The following SPRR3 variants were observed in gnomAD, a reference collection of about 807,000 sequenced individuals.
The protein encoded by SPRR3 is small proline rich protein 3, also known as small proline-rich protein 3.
For synonymous variants in SPRR3, 58 were observed against 72.3 expected (o/e 0.80, Z 1.01); for missense variants, 183 against 200.3 (o/e 0.91, Z 0.52).
Position 153,003,622 on chromosome 1 carries a change from T to C in SPRR3, c.*92T>C. 1 of 1,501,422 alleles carries C rather than the reference T, an allele frequency of 6.7e-7. No homozygotes were observed. Among genetic ancestry groups the C allele is most frequent in the Non-Finnish European group, 9.0e-7 (1 of 1,112,410 alleles). 93.0% of individuals were successfully genotyped at this position (1,501,422 alleles called of 1,614,324 possible). A position where few individuals can be genotyped will look rare whatever the true frequency, so the allele number is the denominator to read the frequency against. ...TCTGTGTCTTAATTGTCTGTAGACC[T>C]TGTAATCAGCACATTGTCACCCCAA... On this transcript the variant is annotated 3_prime_UTR_variant, in exon 2 of 2. Coordinates refer to ENST00000295367, the MANE Select transcript of SPRR3 (RefSeq NM_001097589.2).
rs200495953 is a variant in SPRR3 at position 153,003,345 on chromosome 1, G to T, written c.325G>T (p.Val109Phe). Residue 109 changes from valine (V) to phenylalanine (F), a missense_variant, in exon 2 of 2, where the codon GTC becomes TTC. Val to Phe is a conservative substitution (Grantham distance 50). Coordinates refer to ENST00000295367, the MANE Select transcript of SPRR3 (RefSeq NM_001097589.2). Reference sequence around the variant, plus strand: ...GGTCCCTGAGCCAGGCTACACCAAGGTCCCTGAACCAGGCAGCATCAAGGT... The same window carrying T: ...GGTCCCTGAGCCAGGCTACACCAAGTTCCCTGAACCAGGCAGCATCAAGGT... ...TKVPEPGYTK[V>F]PEPGSIKVPD... is the part of the protein sequence containing the mutation. 1.4e-5 allele frequency: 23 copies of T among 1,609,636 alleles called. No homozygotes were observed. The highest frequency in any genetic ancestry group is 6.8e-5 in the East Asian group (3 of 44,430).
Position 153,002,978 on chromosome 1 carries a change from C to T in SPRR3, c.-19-24C>T, listed in dbSNP as rs1352062739. On this transcript the variant is annotated intron_variant, in intron 1 of 1. Coordinates refer to ENST00000295367, the MANE Select transcript of SPRR3 (RefSeq NM_001097589.2). ...GCTTCATTCCTACTTAATCAAAGCA[C>T]TGAATTAGCTGTTTTGTCTCTAGGT... 4 of 1,573,868 alleles carry T rather than the reference C, an allele frequency of 2.5e-6. No homozygotes were observed. In the East Asian group the frequency reaches 9.0e-5, roughly 35 times the overall value.
Position 153,003,529 on chromosome 1 carries a change from A to C in SPRR3, c.509A>C (p.Ter170SerextTer8). ...GPAQQKTKQK[*>S] is the part of the protein sequence containing the mutation. ...GCTCAGCAGAAGACCAAGCAGAAGT[A>C]ATTTGGTGCACAGACAAGCCCTTGA... Residue 170 changes from the stop codon to serine, a stop_lost, in exon 2 of 2, where the codon TAA (stop) becomes TCA (serine). Transcript: ENST00000295367. 2 of 1,613,202 alleles carry C rather than the reference A, an allele frequency of 1.2e-6. No homozygotes were observed. The highest frequency in any genetic ancestry group is 8.5e-7 in the Non-Finnish European group (1 of 1,179,332).
In SPRR3 at chr1:153,003,066, C is replaced by T. The variant is rs1359633770; in HGVS notation, c.46C>T (p.Leu16Phe). 1.9e-6 allele frequency: 3 copies of T among 1,614,012 alleles called. No individual in the cohort carries two copies. Among genetic ancestry groups the T allele is most frequent in the African/African-American group, 1.3e-5 (1 of 74,906 alleles). Residue 16 changes from leucine to phenylalanine, a missense_variant, in exon 2 of 2, where the codon CTT becomes TTT. By Grantham distance (22) the Leu-to-Phe change is conservative. Transcript: ENST00000295367. ...GCAGACCTTTACCCCACCACCTCAG[C>T]TTCAACAGCAGCAGGTGAAACAACC... ...QKQTFTPPPQLQQQQVKQPSQ... is the reference protein window; with the variant it reads ...QKQTFTPPPQFQQQQVKQPSQ...
chr1:153,002,572 A>G (rs759528661), intron 1 of SPRR3: 38 of 173,566 alleles, frequency 2.2e-4, no homozygotes, highest in Non-Finnish European at 4.5e-4. Context: ...AAGAGCAAGA[A>G]ACATGCATTT....
In SPRR3 at chr1:153,003,522, C is replaced by T. The variant is rs756730990; in HGVS notation, c.502C>T (p.Gln168Ter). 1.2e-6 allele frequency: 2 copies of T among 1,613,456 alleles called. No individual in the cohort carries two copies. Among genetic ancestry groups the T allele is most frequent in the East Asian group, 4.5e-5 (2 of 44,838 alleles). Residue 168 changes from glutamine (Q) to a stop codon, truncating the protein, a stop_gained, in exon 2 of 2, where the codon CAG becomes TAG. Transcript: ENST00000295367. LOFTEE classifies it high-confidence loss of function. ...TPGPAQQKTK[Q>*]K ...AGGCCCAGCTCAGCAGAAGACCAAGCAGAAGTAATTTGGTGCACAGACAAG... is the reference window on the plus strand; with the variant it reads ...AGGCCCAGCTCAGCAGAAGACCAAGTAGAAGTAATTTGGTGCACAGACAAG...
At chr1:153,002,725 A>G (rs1652818227) in intron 1 of SPRR3, 1 of 412,976 alleles carries the variant, frequency 2.4e-6, no homozygotes, top group Non-Finnish European at 4.3e-6. Flanking sequence ...GCATATTTGT[A>G]TGTGTTTTCA....
Position 153,003,685 on chromosome 1 carries a change from T to C in SPRR3, c.*155T>C. ...CTCTTATTTGTATCCTAAAAATACG[T>C]ACTATAAAGCTTTTGTTCACACACA... On this transcript the variant is annotated 3_prime_UTR_variant, in exon 2 of 2. Transcript: ENST00000295367. The C allele has an allele frequency of 7.3e-6, 8 of 1,098,204 alleles. No individual in the cohort carries two copies. The highest frequency in any genetic ancestry group is 1.7e-5 in the South Asian group (1 of 58,426). 68.0% of individuals were successfully genotyped at this position (1,098,204 alleles called of 1,614,324 possible).
In SPRR3 at chr1:153,003,758, G is replaced by A; in HGVS notation, c.*228G>A. ...CTGAATTAAGCAGAAAGTCTTCATGGCTTTTCTGGTCTTCGGCTGCTCAGG... is the reference window on the plus strand; with the variant it reads ...CTGAATTAAGCAGAAAGTCTTCATGACTTTTCTGGTCTTCGGCTGCTCAGG... On this transcript the variant is annotated 3_prime_UTR_variant, in exon 2 of 2. Coordinates refer to ENST00000295367, the MANE Select transcript of SPRR3 (RefSeq NM_001097589.2). 2 of 631,482 alleles carry A rather than the reference G, an allele frequency of 3.2e-6. No individual in the cohort carries two copies. The highest frequency in any genetic ancestry group is 2.6e-5 in the South Asian group (1 of 37,984). 39.1% of individuals were successfully genotyped at this position (631,482 alleles called of 1,614,324 possible).
In SPRR3 at chr1:153,003,471, G is replaced by T; in HGVS notation, c.451G>T (p.Glu151Ter). Residue 151 changes from glutamate (E) to a stop codon, truncating the protein, a stop_gained, in exon 2 of 2, where the codon GAG (glutamate) becomes TAG (stop). Transcript: ENST00000295367. LOFTEE classifies it low-confidence loss of function (END_TRUNC). ...TGTGCCAGGCTACACAAAGCTACCA[G>T]AGCCATGTCCTTCAACGGTCACTCC... Reference protein sequence around the residue: ...VPVPGYTKLPEPCPSTVTPGP... With the variant: ...VPVPGYTKLP 1 of 1,614,080 alleles carries T rather than the reference G, an allele frequency of 6.2e-7. No homozygotes were observed. Among genetic ancestry groups the T allele is most frequent in the South Asian group, 1.1e-5 (1 of 91,066 alleles).
At chr1:153,002,383 A>C (rs1359640360) in intron 1 of SPRR3, 1 of 152,282 alleles carries the variant, frequency 6.6e-6, no homozygotes, top group Non-Finnish European at 1.5e-5. Context: ...CCTTAGGGGG[A>C]AGTTTAGATA....
rs560939256 is a variant in SPRR3 at position 153,002,866 on chromosome 1, T to A, written c.-19-136T>A. 3 of 947,950 alleles carry A rather than the reference T, an allele frequency of 3.2e-6. No homozygotes were observed. In the East Asian group the frequency reaches 7.9e-5, roughly 25 times the overall value. The allele number at this position is 947,950 out of a possible 1,614,324, so 58.7% of individuals were successfully genotyped here. A position where few individuals can be genotyped will look rare whatever the true frequency, so the allele number is the denominator to read the frequency against. On this transcript the variant is annotated intron_variant, in intron 1 of 1. Transcript: ENST00000295367. The stretch of plus-strand genomic sequence containing the variant: ...AAGTGGGGATCACCAAAGCATCCCA[T>A]GATCTCAAATTCAGGGAAAAAGAAA...
At chr1:153,002,009 G>C (rs549568006) in intron 1 of SPRR3, 1 of 152,148 alleles carries the variant, frequency 6.6e-6, no homozygotes, top group Non-Finnish European at 1.5e-5. Flanking sequence ...TGCTAAGTTA[G>C]CAAGACAATA....
Position 153,003,757 on chromosome 1 carries a change from G to T in SPRR3, c.*227G>T. The stretch of plus-strand genomic sequence containing the variant: ...CCTGAATTAAGCAGAAAGTCTTCAT[G>T]GCTTTTCTGGTCTTCGGCTGCTCAG... On this transcript the variant is annotated 3_prime_UTR_variant, in exon 2 of 2. Transcript: ENST00000295367. 3.2e-6 allele frequency: 2 copies of T among 631,864 alleles called. No individual in the cohort carries two copies. The highest frequency in any genetic ancestry group is 5.4e-6 in the Non-Finnish European group (2 of 372,226). 39.1% of individuals were successfully genotyped at this position (631,864 alleles called of 1,614,324 possible). A position where few individuals can be genotyped will look rare whatever the true frequency, so the allele number is the denominator to read the frequency against.
Position 153,003,367 on chromosome 1 carries a change from A to T in SPRR3, c.347A>T (p.Lys116Met), listed in dbSNP as rs1160311866. The T allele has an allele frequency of 6.2e-7, 1 of 1,614,076 alleles. No homozygotes were observed. The highest frequency in any genetic ancestry group is 1.1e-5 in the South Asian group (1 of 91,058). ...YTKVPEPGSI[K>M]VPDQGFIKFP... is the part of the protein sequence containing the mutation. ...AAGGTCCCTGAACCAGGCAGCATCA[A>T]GGTCCCTGACCAAGGCTTCATCAAG... Residue 116 changes from lysine to methionine, a missense_variant, in exon 2 of 2, where the codon AAG becomes ATG. By Grantham distance (95) the Lys-to-Met change is moderately conservative (BLOSUM62 -1). Coordinates refer to ENST00000295367, the MANE Select transcript of SPRR3 (RefSeq NM_001097589.2).
Position 153,003,056 on chromosome 1 carries a change from AC to A in SPRR3, c.38del (p.Pro13HisfsTer9), listed in dbSNP as rs1416045785. On this transcript the variant is annotated frameshift_variant, in exon 2 of 2. Transcript: ENST00000295367. LOFTEE classifies it low-confidence loss of function (END_TRUNC). ...SYQQKQTFTPPPQLQQQQVKQ... is the reference protein window; with the variant it reads ...SYQQKQTFTPXPQLQQQQVKQ... ...ACCAGCAGAAGCAGACCTTTACCCC[AC>A]CACCTCAGCTTCAACAGCAGCAGGT... 28 of 1,613,918 alleles carry A rather than the reference AC, an allele frequency of 1.7e-5. No homozygotes were observed. Among genetic ancestry groups the A allele is most frequent in the Non-Finnish European group, 2.3e-5 (27 of 1,179,998 alleles).
rs1652829499 is a variant in SPRR3, at chr1:153,003,081, G to A, written c.61G>A (p.Val21Met). The change falls in exon 2 of 2, where the codon GTG (valine) becomes ATG (methionine). Residue 21 changes from valine to methionine, a missense_variant. Coordinates refer to ENST00000295367, the MANE Select transcript of SPRR3 (RefSeq NM_001097589.2). ...TPPPQLQQQQ[V>M]KQPSQPPPQE... ...ACCACCTCAGCTTCAACAGCAGCAG[G>A]TGAAACAACCCAGCCAGCCTCCACC... 3 of 1,614,116 alleles carry A rather than the reference G, an allele frequency of 1.9e-6. No individual in the cohort carries two copies. The highest frequency in any genetic ancestry group is 4.5e-5 in the East Asian group (2 of 44,872).
chr1:153,002,482 A>G (rs1428291183), intron 1 of SPRR3: 1 of 158,452 alleles, frequency 6.3e-6, no homozygotes, highest in Admixed American at 5.9e-5. Flanking sequence ...TTTCCAACTT[A>G]TGGAAAAACT....
chr1:153,003,636 T>A lies in SPRR3; in HGVS notation c.*106T>A. The stretch of plus-strand genomic sequence containing the variant: ...GTCTGTAGACCTTGTAATCAGCACA[T>A]TGTCACCCCAAGCCATAGTCTCTCT... On this transcript the variant is annotated 3_prime_UTR_variant, in exon 2 of 2. Transcript: ENST00000295367. 1 of 1,424,276 alleles carries A rather than the reference T, an allele frequency of 7.0e-7. No homozygotes were observed. Among genetic ancestry groups the A allele is most frequent in the Non-Finnish European group, 9.4e-7 (1 of 1,059,314 alleles). 88.2% of individuals were successfully genotyped at this position (1,424,276 alleles called of 1,614,324 possible). A position where few individuals can be genotyped will look rare whatever the true frequency, so the allele number is the denominator to read the frequency against.
Sources: gnomAD v4.1 joint callset for allele counts on GRCh38, gnomAD v4.1.1 for gene constraint, MANE v1.5 for transcripts, NCBI Gene and HGNC (gene_info 2026-07-23, HGNC 2026-07-21) for gene names.